The following RBFOX1 variants were observed in gnomAD, a reference collection of about 807,000 sequenced individuals.
RBFOX1 encodes the protein RNA binding fox-1 homolog 1.
Under a neutral mutation model 57.7 loss-of-function variants are expected in RBFOX1, and 8 were observed. That is an observed-to-expected ratio of 0.14 (90% CI 0.08 to 0.25). The LOEUF is 0.25. Ranked by LOEUF, RBFOX1 falls within the 10% of genes least tolerant of loss-of-function variation. The pLI is 1.00. For synonymous variants in RBFOX1, 326 were observed against 222.4 expected, an observed-to-expected ratio of 1.47 and a Z score of -4.15; for missense variants, 611 against 548.5, an observed-to-expected ratio of 1.11 and a Z score of -1.14.
intron 5 of RBFOX1, among the ~76,000 whole-genome samples, chr16:7,526,696 A>G (rs980027955): frequency 9.9e-5 from 15 of 152,220 alleles, no homozygotes; most frequent in Admixed American, 9.8e-4. Context: ...CAAAAATCAT[A>G]ACTTTTGCTC....
chr16:6,799,473 A>C (rs1426315169), intron 3 of RBFOX1, among the ~76,000 whole-genome samples: 1 of 152,116 alleles, frequency 6.6e-6, no homozygotes, highest in Non-Finnish European at 1.5e-5. Context: ...ATGATGGTTA[A>C]TATTAGGTGT....
At chr16:6,794,424 T>G (rs968934140) in intron 3 of RBFOX1, among the ~76,000 whole-genome samples, 11 of 152,108 alleles carry the variant, frequency 7.2e-5, no homozygotes, top group African/African-American at 2.7e-4. Flanking sequence ...GCTTTTCTAT[T>G]GCTCAGATTC....
At chr16:7,678,244 C>G (rs2073893413) in intron 14 of RBFOX1, among the ~76,000 whole-genome samples, 1 of 152,126 alleles carries the variant, frequency 6.6e-6, no homozygotes. Flanking sequence ...ACCGAGTAAT[C>G]AGTTGCCAAG....
At chr16:5,464,888 C>T (rs1016802342) in intron 1 of RBFOX1, among the ~76,000 whole-genome samples, 9 of 152,134 alleles carry the variant, frequency 5.9e-5, no homozygotes, top group African/African-American at 1.9e-4. Context: ...GGAGGAAGGT[C>T]TGTATCTGTT....
intron 2 of RBFOX1, among the ~76,000 whole-genome samples, chr16:6,366,172 C>A (rs1355937389): frequency 2.6e-5 from 4 of 151,050 alleles, no homozygotes; most frequent in African/African-American, 9.8e-5. Context: ...ATATTTATAC[C>A]TGGAACATAT....
At chr16:5,738,065 T>G (rs2052643511) in intron 3 of RBFOX1, among the ~76,000 whole-genome samples, 1 of 151,728 alleles carries the variant, frequency 6.6e-6, no homozygotes, top group Non-Finnish European at 1.5e-5. Flanking sequence ...GTCCATGTGT[T>G]CTCATTGTTC....
intron 2 of RBFOX1, among the ~76,000 whole-genome samples, chr16:6,531,178 C>T (rs902265060): frequency 6.6e-6 from 1 of 152,168 alleles, no homozygotes; most frequent in Non-Finnish European, 1.5e-5. Context: ...CCCACTCTGC[C>T]CCCGGTTTTT....
rs55961605 is a variant in RBFOX1, at chr16:5,962,818, G to GT, written c.351+95502dup. ...CTACGGTATGAGAAGTGAGGGTTTG[G>GT]TTTTTTTTTTTTTTTTTTTAATATA... On this transcript the variant is annotated intron_variant, in intron 4 of 19. Transcript: ENST00000641259. 3.6e-3 allele frequency among the ~76,000 whole-genome samples: 483 copies of GT among 135,354 alleles called. 3 individuals are homozygous for GT. The highest frequency in any genetic ancestry group is 0.019 in the East Asian group (87 of 4,498). The allele number at this position is 135,354 out of a possible 152,430, so 88.8% of individuals were successfully genotyped here.
chr16:7,464,500 AGG>A (rs1567308975), intron 4 of RBFOX1, among the ~76,000 whole-genome samples: 370 of 152,128 alleles, frequency 2.4e-3, no homozygotes, highest in African/African-American at 7.9e-3. Flanking sequence ...GGGGTTGCCA[AGG>A]CCTATTGGAC....
intron 14 of RBFOX1, among the ~76,000 whole-genome samples, chr16:7,708,444 GATTA>G (rs1000905886): frequency 2.0e-4 from 30 of 152,202 alleles, no homozygotes; most frequent in African/African-American, 6.3e-4. Context: ...CCTGGCCATG[GATTA>G]ATGTGACAGA....
intron 12 of RBFOX1, among the ~76,000 whole-genome samples, chr16:7,655,247 T>C (rs2066011277): frequency 1.3e-5 from 2 of 152,096 alleles, no homozygotes; most frequent in South Asian, 4.2e-4. Context: ...GAAATGAGAG[T>C]AGGTAAAACC....
intron 3 of RBFOX1, among the ~76,000 whole-genome samples, chr16:5,621,689 A>G (rs1027864746): frequency 1.3e-5 from 2 of 152,208 alleles, no homozygotes; most frequent in African/African-American, 4.8e-5. Context: ...GATATGGAAA[A>G]TACCAGGATG....
At chr16:5,285,956 G>A (rs1868626600) in intron 1 of RBFOX1, among the ~76,000 whole-genome samples, 1 of 152,092 alleles carries the variant, frequency 6.6e-6, no homozygotes, top group African/African-American at 2.4e-5. Context: ...ATTTTTAGTA[G>A]AGACAGGGTT....
chr16:6,661,520 A>G (rs547288572), intron 3 of RBFOX1, among the ~76,000 whole-genome samples: 3 of 152,328 alleles, frequency 2.0e-5, no homozygotes, highest in Non-Finnish European at 4.4e-5. Flanking sequence ...ACAGAAGGCA[A>G]ATCTTTACTG....
At position 7,136,555 on chromosome 16, in the gene RBFOX1, C is replaced by T. The variant is rs970759002; in HGVS notation, c.27+84457C>T. 3.3e-5 allele frequency among the ~76,000 whole-genome samples: 5 copies of T among 152,078 alleles called. No individual in the cohort carries two copies. In the East Asian group the frequency reaches 5.8e-4, roughly 18 times the overall value. ...TCGAGTAGCTGGGATTACAGGTGCA[C>T]GCCACCACACCTAGCTAATTAATTT... is the stretch of plus-strand genomic sequence containing the variant. On this transcript the variant is annotated intron_variant, in intron 4 of 15. Coordinates refer to ENST00000550418, the MANE Select transcript of RBFOX1 (RefSeq NM_018723.4).
At chr16:7,112,916 T>C (rs2065105129) in intron 4 of RBFOX1, among the ~76,000 whole-genome samples, 1 of 152,148 alleles carries the variant, frequency 6.6e-6, no homozygotes, top group Non-Finnish European at 1.5e-5. Context: ...TGATGTTTTC[T>C]GGAAAGAATG....
intron 3 of RBFOX1, among the ~76,000 whole-genome samples, chr16:6,687,052 AAACAGG>A (rs2059538400): frequency 6.6e-6 from 1 of 152,220 alleles, no homozygotes; most frequent in African/African-American, 2.4e-5. Context: ...GCAGTGTTAA[AAACAGG>A]AACAGCAGGT....
At chr16:5,366,140 T>A (rs2065708519) in intron 1 of RBFOX1, 1 of 434,756 alleles carries the variant, frequency 2.3e-6, no homozygotes, top group South Asian at 1.8e-5. Flanking sequence ...GACAGCACTT[T>A]GTACCTGTGG....
chr16:6,653,928 A>G (rs11640341), intron 2 of RBFOX1, among the ~76,000 whole-genome samples: 71,529 of 149,010 alleles, frequency 0.48, 17,584 homozygotes, highest in South Asian at 0.54. Flanking sequence ...GAGTGTGTAG[A>G]TGATTGATGG....
Sources: gnomAD v4.1 joint callset for allele counts (sites outside exome capture counted in the v4.1 genomes callset) on GRCh38, gnomAD v4.1.1 for gene constraint, MANE v1.5 for transcripts, NCBI Gene and HGNC (gene_info 2026-07-23, HGNC 2026-07-21) for gene names.